Variants in NPHS2 observed in about 807,000 individuals in gnomAD.
NPHS2 encodes podocin.
In NPHS2, 36 loss-of-function variants were observed where a neutral mutation model predicts 37.1. That is an observed-to-expected ratio of 0.97 (90% CI 0.74 to 1.28). The LOEUF is 1.28. NPHS2 is among the 50% of genes most tolerant of loss of function. The pLI is 0.00. For synonymous variants in NPHS2, 196 were observed against 189.3 expected (o/e 1.04, Z -0.29); for missense variants, 447 against 488.1 (o/e 0.92, Z 0.79).
chr1:179,564,393 A>T (rs776722455), intron 2 of NPHS2, among the ~76,000 whole-genome samples: 3 of 152,230 alleles, frequency 2.0e-5, no homozygotes, highest in Non-Finnish European at 4.4e-5. Context: ...TGGTCACAGA[A>T]TGCAGATGAA....
intron 1 of NPHS2, among the ~76,000 whole-genome samples, chr1:179,566,698 G>A (rs1314082353): frequency 6.6e-6 from 1 of 152,206 alleles, no homozygotes; most frequent in African/African-American, 2.4e-5. Context: ...ATGGTTTTAG[G>A]TCTAACATTT....
At chr1:179,554,798 G>A in intron 5 of NPHS2, 2 of 529,872 alleles carry the variant, frequency 3.8e-6, no homozygotes, top group Admixed American at 3.1e-5. Flanking sequence ...CCTGGAATCT[G>A]TGAATGTTAC....
At chr1:179,565,492 A>G (rs965327135) in intron 1 of NPHS2, among the ~76,000 whole-genome samples, 1 of 152,206 alleles carries the variant, frequency 6.6e-6, no homozygotes, top group Admixed American at 6.5e-5. Context: ...TATATCACCT[A>G]TCTCTGGCAG....
At chr1:179,558,135 A>C (rs7532635) in intron 4 of NPHS2, among the ~76,000 whole-genome samples, 54,042 of 151,890 alleles carry the variant, frequency 0.36, 10,273 homozygotes, top group African/African-American at 0.49. Context: ...GTGATACTGA[A>C]TACACTCATA....
chr1:179,552,447 A>G (rs1439420569), intron 7 of NPHS2, 156 bp downstream of exon 7: 1 of 682,126 alleles, frequency 1.5e-6, no homozygotes, highest in Admixed American at 2.1e-5. Flanking sequence ...GGGACTATTA[A>G]CACACTTTAA....
chr1:179,569,104 C>A (rs1191508267), intron 1 of NPHS2, among the ~76,000 whole-genome samples: 1 of 152,102 alleles, frequency 6.6e-6, no homozygotes, highest in Non-Finnish European at 1.5e-5. Context: ...CCTGGATATC[C>A]TTGTTAACTT....
In NPHS2 at chr1:179,575,625, C is replaced by T. The variant is rs1281592133; in HGVS notation, c.240G>A (p.Val80=). The change falls in exon 1 of 8, where the codon GTG becomes GTA. Residue 80 remains valine (V), a synonymous_variant. Coordinates refer to ENST00000367615, the MANE Select transcript of NPHS2 (RefSeq NM_014625.4). ...GCCGCTCGCTCTCCAACAGCGCCAC[C>T]ACCTCGGTGCCCTCCTCGCCGGAGC... ...VRGSGEEGTE[V]VALLESERPE... The T allele has an allele frequency of 5.6e-6, 9 of 1,603,482 alleles. No homozygotes were observed. Among genetic ancestry groups the T allele is most frequent in the Non-Finnish European group, 7.6e-6 (9 of 1,179,870 alleles).
chr1:179,557,935 A>C (rs529630077), intron 4 of NPHS2, among the ~76,000 whole-genome samples: 1 of 152,046 alleles, frequency 6.6e-6, no homozygotes, highest in Non-Finnish European at 1.5e-5. Context: ...ATATGTGTGT[A>C]TATATATATA....
intron 6 of NPHS2, among the ~76,000 whole-genome samples, chr1:179,553,627 A>G (rs1388707813): frequency 1.3e-5 from 2 of 152,236 alleles, no homozygotes; most frequent in Non-Finnish European, 2.9e-5. Context: ...CCCACTTAAC[A>G]AGTACAGGCT....
intron 1 of NPHS2, among the ~76,000 whole-genome samples, chr1:179,567,598 A>C (rs572892218): frequency 6.6e-6 from 1 of 152,248 alleles, no homozygotes; most frequent in South Asian, 2.1e-4. Context: ...AACTTCCAAC[A>C]CTATGTCGAA....
intron 2 of NPHS2, among the ~76,000 whole-genome samples, chr1:179,563,000 G>A (rs960781844): frequency 2.0e-5 from 3 of 152,148 alleles, no homozygotes; most frequent in Admixed American, 6.5e-5. Context: ...AGTCAGTGTT[G>A]TATCTTGTGG....
At chr1:179,557,504 G>A (rs1673981929) in intron 4 of NPHS2, among the ~76,000 whole-genome samples, 1 of 152,172 alleles carries the variant, frequency 6.6e-6, no homozygotes, top group South Asian at 2.1e-4. Flanking sequence ...TCCAAACCAG[G>A]TCTTTCTAAA....
At chr1:179,558,328 A>T (rs978750659) in intron 4 of NPHS2, among the ~76,000 whole-genome samples, 1 of 152,120 alleles carries the variant, frequency 6.6e-6, no homozygotes. Context: ...AGGATCATAC[A>T]GTATTTTGTG....
chr1:179,561,407 G>A (rs1388938689), intron 2 of NPHS2, 46 bp from the exon 3 acceptor site: 19 of 1,417,630 alleles, frequency 1.3e-5, no homozygotes, highest in Non-Finnish European at 1.9e-5. Context: ...GAAAGAAAAA[G>A]TCTTCAAAAG....
intron 1 of NPHS2, among the ~76,000 whole-genome samples, chr1:179,567,945 A>G (rs1211879237): frequency 6.6e-6 from 1 of 152,032 alleles, no homozygotes; most frequent in Non-Finnish European, 1.5e-5. Context: ...GTGCTGCTGG[A>G]TTCATTTGCC....
chr1:179,552,685 A>G lies in NPHS2; in HGVS notation c.795-4T>C. On this transcript the variant is annotated splice_polypyrimidine_tract_variant and splice_region_variant and intron_variant, in intron 6 of 7. Coordinates refer to ENST00000367615, the MANE Select transcript of NPHS2 (RefSeq NM_014625.4). ...AGCTGGCAACCTCACATCTTTACTG[A>G]AAAAGAAAGAATGCAGGTATGTAGG... The G allele has an allele frequency of 6.2e-7, 1 of 1,612,000 alleles. No individual in the cohort carries two copies. Among genetic ancestry groups the G allele is most frequent in the Non-Finnish European group, 8.5e-7 (1 of 1,178,230 alleles).
chr1:179,572,241 C>T (rs1271473495), intron 1 of NPHS2, among the ~76,000 whole-genome samples: 1 of 152,198 alleles, frequency 6.6e-6, no homozygotes, highest in East Asian at 1.9e-4. Context: ...TGTCCAGAGG[C>T]TTATCTTCCA....
At chr1:179,563,585 C>G (rs1674224115) in intron 2 of NPHS2, among the ~76,000 whole-genome samples, 2 of 152,120 alleles carry the variant, frequency 1.3e-5, no homozygotes, top group Non-Finnish European at 2.9e-5. Context: ...CTAACTTAAA[C>G]AAACTTAAAA....
rs1166550850 is a variant in NPHS2 at position 179,557,242 on chromosome 1, A to G, written c.535-12T>C. ...TCTTTGGTCACGATCTAGGCAGAAA[A>G]AAGTTTGGATGACAGGCTTGATTCT... On this transcript the variant is annotated splice_polypyrimidine_tract_variant and intron_variant, in intron 4 of 7. Transcript: ENST00000367615. 1 of 1,611,938 alleles carries G rather than the reference A, an allele frequency of 6.2e-7. No individual in the cohort carries two copies. The highest frequency in any genetic ancestry group is 1.3e-5 in the African/African-American group (1 of 74,882).
Sources: gnomAD v4.1 joint callset for allele counts (sites outside exome capture counted in the v4.1 genomes callset) on GRCh38, gnomAD v4.1.1 for gene constraint, MANE v1.5 for transcripts, NCBI Gene and HGNC (gene_info 2026-07-23, HGNC 2026-07-21) for gene names.